Variants in SLIT2 observed in about 807,000 individuals in gnomAD.
SLIT2 encodes slit guidance ligand 2, also known as slit homolog 2 protein.
SLIT2 carries 41 observed loss-of-function variants against 185.7 expected under a neutral mutation model. That is an observed-to-expected ratio of 0.22 (90% confidence interval 0.17 to 0.29). The LOEUF (loss-of-function observed/expected upper bound fraction) is 0.29. Among genes scored for constraint, SLIT2 ranks in the 10% least tolerant of loss-of-function variants. SLIT2 has a pLI of 1.00. For synonymous variants in SLIT2, 693 were observed against 680.2 expected (o/e 1.02, Z -0.29); for missense variants, 1,571 against 1,909.0 (o/e 0.82, Z 3.30).
At chr4:20,473,893 G>T (rs530414274) in intron 5 of SLIT2, among the ~76,000 whole-genome samples, 147 of 152,078 alleles carry the variant, frequency 9.7e-4, no homozygotes, top group Non-Finnish European at 2.0e-3. Flanking sequence ...GGTCATAATT[G>T]CAAAATGTCT....
intron 24 of SLIT2, among the ~76,000 whole-genome samples, chr4:20,549,393 T>C (rs918088568): frequency 6.6e-6 from 1 of 152,152 alleles, no homozygotes; most frequent in African/African-American, 2.4e-5. Context: ...AGACATATGG[T>C]TTATAGAGTT....
At position 20,529,055 on chromosome 4, in the gene SLIT2, G is replaced by C. The variant is rs148155035; in HGVS notation, c.1569G>C (p.Lys523Asn). Residue 523 changes from lysine to asparagine, a missense_variant, in exon 16 of 37, where the codon AAG (lysine) becomes AAC (asparagine). Around this residue, in one of 3 missense-constraint regions of SLIT2, gnomAD observed 1,202 missense variants for 1,416.4 expected, o/e 0.85. Transcript: ENST00000504154. ...EGTTVDCSNQKLNKIPEHIPQ... is the reference protein window; with the variant it reads ...EGTTVDCSNQNLNKIPEHIPQ... ...CCACAGTAGATTGCTCTAATCAAAA[G>C]CTCAACAAAATCCCGGAGCACATTC... 6.2e-7 allele frequency: 1 copy of C among 1,613,752 alleles called. No homozygotes were observed. The highest frequency in any genetic ancestry group is 1.3e-5 in the African/African-American group (1 of 74,896).
At chr4:20,398,662 T>A (rs895344536) in intron 4 of SLIT2, among the ~76,000 whole-genome samples, 2 of 151,786 alleles carry the variant, frequency 1.3e-5, no homozygotes, top group African/African-American at 4.8e-5. Context: ...GTCTCCCCAA[T>A]ACTAGTAGAA....
chr4:20,445,986 A>T (rs1711747810), intron 4 of SLIT2, among the ~76,000 whole-genome samples: 1 of 152,138 alleles, frequency 6.6e-6, no homozygotes, highest in Non-Finnish European at 1.5e-5. Context: ...ATTCCTACCA[A>T]AGCACTGTTC....
chr4:20,363,182 A>G (rs1722872517), intron 4 of SLIT2, among the ~76,000 whole-genome samples: 1 of 152,150 alleles, frequency 6.6e-6, no homozygotes, highest in South Asian at 2.1e-4. Flanking sequence ...ACAATCTGAC[A>G]TTAAAATTAG....
At chr4:20,410,221 T>G (rs1411963050) in intron 4 of SLIT2, among the ~76,000 whole-genome samples, 5 of 149,446 alleles carry the variant, frequency 3.3e-5, no homozygotes, top group Admixed American at 2.7e-4. Flanking sequence ...TAAGTCTTGG[T>G]TTTTTTTCTT....
At chr4:20,391,669 G>A (rs1009106779) in intron 4 of SLIT2, among the ~76,000 whole-genome samples, 5 of 152,122 alleles carry the variant, frequency 3.3e-5, no homozygotes, top group African/African-American at 1.2e-4. Context: ...GAATAGTTGA[G>A]TAAATGATTG....
intron 4 of SLIT2, among the ~76,000 whole-genome samples, chr4:20,424,224 T>A (rs1021607720): frequency 7.9e-5 from 12 of 152,120 alleles, no homozygotes; most frequent in African/African-American, 2.4e-4. Context: ...TATCTGCTTA[T>A]CAATTTCAAA....
intron 4 of SLIT2, among the ~76,000 whole-genome samples, chr4:20,409,842 T>C (rs955718239): frequency 2.0e-5 from 3 of 152,242 alleles, no homozygotes; most frequent in African/African-American, 7.2e-5. Context: ...TTTTTTTTCA[T>C]ATGTTTGCTG....
chr4:20,512,896 G>T (rs1719882306), intron 11 of SLIT2, among the ~76,000 whole-genome samples: 1 of 152,014 alleles, frequency 6.6e-6, no homozygotes, highest in South Asian at 2.1e-4. Flanking sequence ...AGAATTAAAA[G>T]AAAATATATA....
chr4:20,297,094 A>G (rs1249825324), intron 4 of SLIT2, among the ~76,000 whole-genome samples: 2 of 152,176 alleles, frequency 1.3e-5, no homozygotes, highest in Non-Finnish European at 2.9e-5. Flanking sequence ...TTCCTTACAA[A>G]TAGTTTCCTT....
intron 4 of SLIT2, among the ~76,000 whole-genome samples, chr4:20,456,363 T>C (rs1365942033): frequency 6.6e-6 from 1 of 152,154 alleles, no homozygotes; most frequent in Non-Finnish European, 1.5e-5. Flanking sequence ...CTTTCCATTG[T>C]GGTCTCCTTT....
At chr4:20,522,913 A>G (rs1000236656) in intron 12 of SLIT2, among the ~76,000 whole-genome samples, 2 of 152,186 alleles carry the variant, frequency 1.3e-5, no homozygotes, top group African/African-American at 4.8e-5. Context: ...AGGCAGGCAT[A>G]TAGATGACAG....
At chr4:20,326,809 A>T (rs539980185) in intron 4 of SLIT2, among the ~76,000 whole-genome samples, 8 of 97,904 alleles carry the variant, frequency 8.2e-5, no homozygotes, top group Middle Eastern at 7.5e-3. Flanking sequence ...AGAAAATTTG[A>T]TAATTGTTTC....
At chr4:20,495,409 G>A (rs550361415) in intron 9 of SLIT2, among the ~76,000 whole-genome samples, 7 of 152,268 alleles carry the variant, frequency 4.6e-5, no homozygotes, top group Non-Finnish European at 8.8e-5. Context: ...AGATCATAGG[G>A]AAGGGGAACA....
At chr4:20,300,441 CATTT>C (rs1716930263) in intron 4 of SLIT2, among the ~76,000 whole-genome samples, 1 of 152,174 alleles carries the variant, frequency 6.6e-6, no homozygotes, top group African/African-American at 2.4e-5. Context: ...CAAGAACATT[CATTT>C]GTTTTCATAG....
chr4:20,466,024 G>A (rs16869616), intron 4 of SLIT2, among the ~76,000 whole-genome samples: 1,809 of 151,888 alleles, frequency 0.012, 34 homozygotes, highest in African/African-American at 0.041. Flanking sequence ...TGGAATTGGC[G>A]AAGACAGAAT....
intron 3 of SLIT2, among the ~76,000 whole-genome samples, chr4:20,263,864 G>A (rs147074838): frequency 2.8e-4 from 42 of 151,832 alleles, no homozygotes; most frequent in African/African-American, 9.2e-4. Context: ...GCTGAGTTTA[G>A]GAATTATTTT....
chr4:20,271,001 T>A (rs1022861836), intron 4 of SLIT2, among the ~76,000 whole-genome samples: 3 of 151,960 alleles, frequency 2.0e-5, no homozygotes, highest in Non-Finnish European at 2.9e-5. Flanking sequence ...ACAACTGCCA[T>A]TGGAAGTCTT....
Sources: allele counts gnomAD v4.1 joint callset (sites outside exome capture counted in the v4.1 genomes callset), GRCh38; gene constraint gnomAD v4.1.1; regional missense constraint gnomAD v4.1.1; transcripts MANE v1.5; gene names NCBI Gene and HGNC (gene_info 2026-07-23, HGNC 2026-07-21).